Variants in MTMR12 observed in about 807,000 individuals in gnomAD.
The protein encoded by MTMR12 is myotubularin related protein 12, also known as myotubularin-related protein 12.
A neutral mutation model predicts 96.7 loss-of-function variants in MTMR12; 33 were observed. The ratio of observed to expected loss-of-function variants is 0.34; its 90% CI spans 0.26 to 0.46. MTMR12 has a LOEUF of 0.46. Ranked by LOEUF, MTMR12 falls within the 20% of genes least tolerant of loss-of-function variation. The pLI is 1.00. For synonymous variants in MTMR12, 298 were observed against 327.2 expected (o/e 0.91, Z 0.96); for missense variants, 721 against 896.1 (o/e 0.80, Z 2.49).
Position 32,228,591 on chromosome 5 carries a change from G to GATATATATATATCTTATATATGTGAT in MTMR12, c.*1186_*1187insATCACATATATAAGATATATATATAT, listed in dbSNP as rs1561727226. On this transcript the variant is annotated 3_prime_UTR_variant, in exon 16 of 16. Coordinates refer to ENST00000382142, the MANE Select transcript of MTMR12 (RefSeq NM_001040446.3). ...TATCATATATATATCATATATATGT[G>GATATATATATATCTTATATATGTGAT]ATATATATATATATATCATATATAT... 1 of 103,670 alleles carries GATATATATATATCTTATATATGTGAT rather than the reference G, an allele frequency of 9.6e-6. No homozygotes were observed. Among genetic ancestry groups the GATATATATATATCTTATATATGTGAT allele is most frequent in the African/African-American group, 3.9e-5 (1 of 25,430 alleles). The allele number at this position is 103,670 out of a possible 1,614,324, so 6.4% of individuals were successfully genotyped here.
At chr5:32,249,498 T>G (rs1748829768) in intron 8 of MTMR12, among the ~76,000 whole-genome samples, 2 of 152,176 alleles carry the variant, frequency 1.3e-5, no homozygotes, top group South Asian at 4.1e-4. Context: ...CATTAGGTTG[T>G]GAGAGGGCAC....
intron 10 of MTMR12, among the ~76,000 whole-genome samples, chr5:32,244,364 C>T (rs897654243): frequency 2.0e-5 from 3 of 150,410 alleles, no homozygotes; most frequent in Admixed American, 6.6e-5. Context: ...CGGAGGTGGG[C>T]GCGTCACCTG....
intron 1 of MTMR12, among the ~76,000 whole-genome samples, chr5:32,298,952 C>CA (rs766708610): frequency 0.16 from 8,722 of 54,076 alleles, 573 homozygotes; most frequent in East Asian, 0.25. Context: ...GACTCCATCT[C>CA]AAAAAAAAAA....
Position 32,238,143 on chromosome 5 carries a change from C to CAAAA in MTMR12, c.1344+854_1344+857dup, listed in dbSNP as rs746835069. Among the ~76,000 whole-genome samples the CAAAA allele has an allele frequency of 1.7e-3, 101 of 58,840 alleles. 2 individuals carry two copies. The highest frequency in any genetic ancestry group is 9.4e-3 in the Middle Eastern group (1 of 106). 38.6% of individuals were successfully genotyped at this position (58,840 alleles called of 152,430 possible). A position where few individuals can be genotyped will look rare whatever the true frequency, so the allele number is the denominator to read the frequency against. ...TGTGCAACAGAGCAAGACTCCGTCTCAAAAAAAAAAAAAAAAAAAAAAAAA... is the reference window on the plus strand; with the variant it reads ...TGTGCAACAGAGCAAGACTCCGTCTCAAAAAAAAAAAAAAAAAAAAAAAAAAAAA... On this transcript the variant is annotated intron_variant, in intron 13 of 15. Transcript: ENST00000382142.
At chr5:32,261,462 C>T (rs920670807) in intron 7 of MTMR12, among the ~76,000 whole-genome samples, 3 of 152,166 alleles carry the variant, frequency 2.0e-5, no homozygotes, top group Non-Finnish European at 2.9e-5. Flanking sequence ...TCCTTTACGA[C>T]TATGCTTACA....
intron 1 of MTMR12, among the ~76,000 whole-genome samples, chr5:32,289,750 T>A (rs538696865): frequency 4.6e-5 from 7 of 152,316 alleles, no homozygotes; most frequent in Admixed American, 2.0e-4. Context: ...ACTTAGCAAC[T>A]GGCAGAACCC....
chr5:32,235,942 G>A (rs1748212291), intron 13 of MTMR12, among the ~76,000 whole-genome samples: 1 of 152,162 alleles, frequency 6.6e-6, no homozygotes, highest in Non-Finnish European at 1.5e-5. Flanking sequence ...GATGCCTGGA[G>A]GCCGGTCCCC....
In MTMR12 at chr5:32,239,049, G is replaced by A; in HGVS notation, c.1296C>T (p.His432=). Residue 432 remains histidine (H), a synonymous_variant, in exon 13 of 16, where the codon CAC becomes CAT. Coordinates refer to ENST00000382142, the MANE Select transcript of MTMR12 (RefSeq NM_001040446.3). ...LIQKEWVMGG[H]CFLDRCNHLR... ...GATGGTTGCAGCGATCCAAGAAACA[G>A]TGGCCACCCATGACCCACTCCTTTT... The A allele has an allele frequency of 6.2e-7, 1 of 1,608,890 alleles. No homozygotes were observed. Among genetic ancestry groups the A allele is most frequent in the Non-Finnish European group, 8.5e-7 (1 of 1,177,392 alleles).
Position 32,229,638 on chromosome 5 carries a change from CTT to C in MTMR12, c.*138_*139del. On this transcript the variant is annotated 3_prime_UTR_variant, in exon 16 of 16. Coordinates refer to ENST00000382142, the MANE Select transcript of MTMR12 (RefSeq NM_001040446.3). ...TCATGAAAAATAATGAGAGCCACCTCTTTTCCCGAAGGCCCAGGTTTATTCTA... is the reference window on the plus strand; with the variant it reads ...TCATGAAAAATAATGAGAGCCACCTCTTCCCGAAGGCCCAGGTTTATTCTA... The C allele has an allele frequency of 1.4e-6, 1 of 698,436 alleles. No homozygotes were observed. The highest frequency in any genetic ancestry group is 2.1e-6 in the Non-Finnish European group (1 of 468,854). 43.3% of individuals were successfully genotyped at this position (698,436 alleles called of 1,614,324 possible).
At chr5:32,292,270 T>C (rs978259990) in intron 1 of MTMR12, among the ~76,000 whole-genome samples, 3 of 152,206 alleles carry the variant, frequency 2.0e-5, no homozygotes, top group Admixed American at 6.5e-5. Flanking sequence ...GTTTCTCCCA[T>C]AGCCAGGATT....
chr5:32,252,889 T>C (rs1235705931), intron 8 of MTMR12, among the ~76,000 whole-genome samples: 1 of 152,090 alleles, frequency 6.6e-6, no homozygotes, highest in Non-Finnish European at 1.5e-5. Flanking sequence ...GTAGGTTCAA[T>C]AGGAATGAGA....
intron 13 of MTMR12, among the ~76,000 whole-genome samples, chr5:32,238,600 T>C (rs1748334037): frequency 6.6e-6 from 1 of 152,210 alleles, no homozygotes; most frequent in African/African-American, 2.4e-5. Context: ...AGATAAGGGA[T>C]GCTCAACCTA....
At chr5:32,249,069 C>T (rs994749465) in intron 8 of MTMR12, among the ~76,000 whole-genome samples, 191 bp from the exon 9 acceptor site, 8 of 152,132 alleles carry the variant, frequency 5.3e-5, no homozygotes, top group Non-Finnish European at 1.0e-4. Flanking sequence ...AAAAATAAAA[C>T]AGGTCTAGGT....
At position 32,230,367 on chromosome 5, in the gene MTMR12, T is replaced by G; in HGVS notation, c.1675-20A>C. The stretch of plus-strand genomic sequence containing the variant: ...TTGATGCTTTGAGAGAAAACACAAA[T>G]AAAAATCACTGGTTAACATAACAGG... On this transcript the variant is annotated intron_variant, in intron 15 of 15. Coordinates refer to ENST00000382142, the MANE Select transcript of MTMR12 (RefSeq NM_001040446.3). 6.4e-7 allele frequency: 1 copy of G among 1,572,638 alleles called. No individual in the cohort carries two copies.
intron 11 of MTMR12, among the ~76,000 whole-genome samples, chr5:32,242,734 C>G (rs1399534593): frequency 6.6e-6 from 1 of 152,084 alleles, no homozygotes; most frequent in East Asian, 1.9e-4. Flanking sequence ...TCACCCTTCT[C>G]TGCCCACCCC....
chr5:32,248,905 G>A (rs756716587), intron 8 of MTMR12, 27 bp from the exon 9 acceptor site: 1 of 1,575,638 alleles, frequency 6.3e-7, no homozygotes, highest in Non-Finnish European at 8.7e-7. Context: ...AGCTTTACCA[G>A]ATACAATAAA....
chr5:32,259,904 C>T (rs112952070), intron 7 of MTMR12, among the ~76,000 whole-genome samples: 100 of 152,002 alleles, frequency 6.6e-4, no homozygotes, highest in Non-Finnish European at 1.2e-3. Context: ...GGCGTGGTGG[C>T]GCATGCCTGT....
At chr5:32,309,804 G>C (rs746385836) in intron 1 of MTMR12, 8 of 152,008 alleles carry the variant, frequency 5.3e-5, no homozygotes, top group Non-Finnish European at 1.2e-4. Flanking sequence ...AAAAGTATGA[G>C]ATATCATCTC....
intron 1 of MTMR12, among the ~76,000 whole-genome samples, chr5:32,277,590 T>C (rs1434405009): frequency 6.6e-6 from 1 of 151,916 alleles, no homozygotes; most frequent in Non-Finnish European, 1.5e-5. Flanking sequence ...TCCCAGCTAC[T>C]TGGGAGGCTA....
Sources: gnomAD v4.1 joint callset for allele counts (sites outside exome capture counted in the v4.1 genomes callset) on GRCh38, gnomAD v4.1.1 for gene constraint, MANE v1.5 for transcripts, NCBI Gene and HGNC (gene_info 2026-07-23, HGNC 2026-07-21) for gene names.